The following RIF1 variants were observed in gnomAD, a reference collection of about 807,000 sequenced individuals.
RIF1 encodes the protein replication timing regulatory factor 1, also known as telomere-associated protein RIF1.
In RIF1, 45 loss-of-function variants were observed where a neutral mutation model predicts 247.1. The ratio of observed to expected loss-of-function variants is 0.18; its 90% CI spans 0.14 to 0.23. RIF1 has a LOEUF of 0.23. Among genes scored for constraint, RIF1 ranks in the 10% least tolerant of loss-of-function variants. RIF1 has a pLI of 1.00. For synonymous variants in RIF1, 1,087 were observed against 978.8 expected (o/e 1.11, Z -2.06); for missense variants, 2,967 against 2,862.5 (o/e 1.04, Z -0.83).
At chr2:151,444,868 C>T (rs1164310866) in intron 18 of RIF1, among the ~76,000 whole-genome samples, 1 of 152,178 alleles carries the variant, frequency 6.6e-6, no homozygotes, top group Non-Finnish European at 1.5e-5. Context: ...TGACTTAAAA[C>T]TACAGGGATT....
chr2:151,514,668 A>G, the RIF1 span: 2 of 642,090 alleles, frequency 3.1e-6, no homozygotes, highest in South Asian at 2.0e-5. Context: ...AACATGGGTA[A>G]TAGATTAGGT....
At chr2:151,520,187 GA>G in the RIF1 span, among the ~76,000 whole-genome samples, 3 of 152,218 alleles carry the variant, frequency 2.0e-5, no homozygotes, top group South Asian at 6.2e-4. Context: ...AAATGATCAA[GA>G]AGGTTGAAAA....
Position 151,503,213 on chromosome 2 carries a change from T to TAAA in RIF1, c.*861+28_*861+29insAAA, listed in dbSNP as rs1304606989. 8 of 648,352 alleles carry TAAA rather than the reference T, an allele frequency of 1.2e-5. No individual in the cohort carries two copies. The African/African-American group carries it at 1.3e-4, about 11-fold the overall frequency. The allele number at this position is 648,352 out of a possible 1,614,324, so 40.2% of individuals were successfully genotyped here. On this transcript the variant is annotated intron_variant and NMD_transcript_variant, in intron 12 of 13. Coordinates refer to the RIF1 transcript ENST00000454583. ...GAGTCATTTTGTATTAACATAATTTTGGTCAGGTAATAATACACAACACAC... is the reference window on the plus strand; with the variant it reads ...GAGTCATTTTGTATTAACATAATTTTAAAGGTCAGGTAATAATACACAACACAC...
Position 151,465,181 on chromosome 2 carries a change from C to A in RIF1, c.5661C>A (p.Thr1887=), listed in dbSNP as rs1696718946. The A allele has an allele frequency of 6.2e-7, 1 of 1,612,876 alleles. No individual in the cohort carries two copies. The highest frequency in any genetic ancestry group is 1.3e-5 in the African/African-American group (1 of 74,696). The part of the protein sequence containing the change: ...LETKEEKPEE[T]PKMELSLENV... The stretch of plus-strand genomic sequence containing the variant: ...CAAAAGAAGAAAAACCAGAAGAAAC[C>A]CCAAAAATGGAACTGAGTCTAGAGA... Residue 1887 remains threonine (T), a synonymous_variant, in exon 30 of 36, where the codon ACC becomes ACA. Coordinates refer to ENST00000444746, the MANE Select transcript of RIF1 (RefSeq NM_018151.5).
At chr2:151,426,802 A>G (rs1689183208) in intron 8 of RIF1, among the ~76,000 whole-genome samples, 1 of 151,362 alleles carries the variant, frequency 6.6e-6, no homozygotes. Flanking sequence ...GCCTGCCACC[A>G]TGCCTAGCTG....
chr2:151,443,019 AC>A (rs905778664), intron 16 of RIF1, among the ~76,000 whole-genome samples: 4 of 150,956 alleles, frequency 2.6e-5, no homozygotes, highest in African/African-American at 9.7e-5. Context: ...CTCGTGATCC[AC>A]CCGCCTCGGC....
At chr2:151,439,094 T>C (rs11692036) in intron 14 of RIF1, among the ~76,000 whole-genome samples, 1,755 of 152,254 alleles carry the variant, frequency 0.012, 22 homozygotes, top group Non-Finnish European at 0.021. Context: ...ACAATATTAG[T>C]AAATTAGAGA....
intron 10 of RIF1, chr2:151,497,354 CAGT>C (rs1226617460): frequency 3.1e-6 from 3 of 982,110 alleles, no homozygotes; most frequent in African/African-American, 1.8e-5. Context: ...AGTTAGAACT[CAGT>C]GGTGTTATCC....
intron 8 of RIF1, among the ~76,000 whole-genome samples, chr2:151,425,689 CAG>C (rs1360112348): frequency 4.6e-5 from 4 of 86,836 alleles, no homozygotes; most frequent in East Asian, 4.2e-4. Context: ...TTTTGTGAGA[CAG>C]AGTCTTACTC....
intron 9 of RIF1, among the ~76,000 whole-genome samples, chr2:151,431,503 T>C (rs1690116598): frequency 6.6e-6 from 1 of 152,190 alleles, no homozygotes; most frequent in Admixed American, 6.5e-5. Flanking sequence ...TTCTCATAAA[T>C]AGAATAGAGT....
intron 9 of RIF1, among the ~76,000 whole-genome samples, chr2:151,430,383 G>A (rs1400727385): frequency 6.7e-6 from 1 of 149,018 alleles, no homozygotes; most frequent in Non-Finnish European, 1.5e-5. Context: ...GTGCAGTGGC[G>A]TGATCTCAGC....
chr2:151,453,698 T>A (rs1694738576), intron 21 of RIF1, among the ~76,000 whole-genome samples: 1 of 151,248 alleles, frequency 6.6e-6, no homozygotes, highest in African/African-American at 2.4e-5. Context: ...ACCACAGAAA[T>A]AATGCTGTAG....
chr2:151,456,540 G>A (rs187303538), intron 22 of RIF1, 38 bp from the exon 23 acceptor site: 1 of 1,146,896 alleles, frequency 8.7e-7, no homozygotes, highest in Non-Finnish European at 1.3e-6. Context: ...GTGTTAACTT[G>A]CAGAAATATA....
intron 9 of RIF1, chr2:151,491,343 TC>T (rs1298060631): frequency 9.4e-6 from 2 of 212,470 alleles, no homozygotes; most frequent in African/African-American, 4.6e-5. Context: ...CTCAGGAAGT[TC>T]CTACAGGTCA....
At chr2:151,423,117 A>C in intron 8 of RIF1, 75 bp downstream of exon 8, 1 of 789,232 alleles carries the variant, frequency 1.3e-6, no homozygotes, top group Non-Finnish European at 2.1e-6. Flanking sequence ...TTCTTTGTAC[A>C]GTTGATGCTC....
intron 11 of RIF1, among the ~76,000 whole-genome samples, chr2:151,502,185 T>G (rs2065143349): frequency 6.6e-6 from 1 of 152,062 alleles, no homozygotes; most frequent in Admixed American, 6.6e-5. Context: ...TGCAAAGGCA[T>G]AAGAATGATA....
At position 151,441,548 on chromosome 2, in the gene RIF1, A is replaced by G. The variant is rs548922051; in HGVS notation, c.1648-357A>G. 2.6e-5 allele frequency among the ~76,000 whole-genome samples: 4 copies of G among 152,304 alleles called. No individual in the cohort carries two copies. The East Asian group carries it at 5.8e-4, about 22-fold the overall frequency. On this transcript the variant is annotated intron_variant, in intron 15 of 35. Coordinates refer to ENST00000444746, the MANE Select transcript of RIF1 (RefSeq NM_018151.5). ...TAGTGATTTACAGTGTAATGGCTTT[A>G]ATGGTTTAAAGGAATGTGTGTATAA... is the stretch of plus-strand genomic sequence containing the variant.
intron 12 of RIF1, among the ~76,000 whole-genome samples, chr2:151,505,746 A>G (rs967849531): frequency 2.0e-5 from 3 of 152,146 alleles, no homozygotes; most frequent in African/African-American, 7.2e-5. Flanking sequence ...GAGGAGAACA[A>G]TTCCAAGGAC....
intron 9 of RIF1, among the ~76,000 whole-genome samples, chr2:151,487,328 C>G (rs913120595): frequency 1.3e-5 from 2 of 152,190 alleles, no homozygotes; most frequent in African/African-American, 4.8e-5. Context: ...CTAGGAGCAG[C>G]CACTGGTTAG....
Sources: gnomAD v4.1 joint callset for allele counts (sites outside exome capture counted in the v4.1 genomes callset) on GRCh38, gnomAD v4.1.1 for gene constraint, MANE v1.5 for transcripts, NCBI Gene and HGNC (gene_info 2026-07-23, HGNC 2026-07-21) for gene names.